IGBP1: variants seen among roughly 807,000 people sequenced by gnomAD.
The protein encoded by IGBP1 is immunoglobulin binding protein 1.
A neutral mutation model predicts 25.9 loss-of-function variants in IGBP1; 2 were observed. That is an observed-to-expected ratio of 0.08 (90% CI 0.03 to 0.24). The LOEUF (loss-of-function observed/expected upper bound fraction) is 0.24. IGBP1 is among the 10% of genes least tolerant of loss of function. The pLI, the probability that IGBP1 is intolerant of heterozygous loss-of-function variation, is 1.00. For missense variants in IGBP1, 187 were observed against 260.4 expected (o/e 0.72, Z 1.94); for synonymous variants, 96 against 93.4 (o/e 1.03, Z -0.16).
At chrX:70,153,883 A>C (rs2147583684) in intron 6 of IGBP1, among the ~76,000 whole-genome samples, 1 of 111,031 alleles carries the variant, frequency 9.0e-6, no homozygotes, top group South Asian at 3.9e-4. Flanking sequence ...GAGAATGACC[A>C]AAATCAAAAG....
chrX:70,164,620 A>G (rs746690291), intron 6 of IGBP1, among the ~76,000 whole-genome samples: 87 of 112,198 alleles, frequency 7.8e-4, no homozygotes, highest in Non-Finnish European at 1.4e-3. Flanking sequence ...AGCAGTATAG[A>G]GGTTACTTTT....
Position 70,150,299 on chromosome X carries a change from A to G in IGBP1, c.848A>G (p.Gln283Arg). The change falls in exon 6 of 7, where the codon CAG (glutamine) becomes CGG (arginine). Residue 283 changes from glutamine to arginine, a missense_variant. By Grantham distance (43) the Gln-to-Arg change is conservative. Transcript: ENST00000356413. The stretch of plus-strand genomic sequence containing the variant: ...CGGAAATATGGAGCATTACCGGATC[A>G]GGGAATAGCCAAGGCAGCACCAGGT... ...QHRKYGALPD[Q>R]GIAKAAPEEF... 1 of 1,187,131 alleles carries G rather than the reference A, an allele frequency of 8.4e-7. No homozygotes were observed.
At position 70,139,334 on chromosome X, in the gene IGBP1, GAAAAGAA is replaced by G. The variant is rs1243502510; in HGVS notation, c.482+4528_482+4534del. Among the ~76,000 whole-genome samples, 321 of 107,425 alleles carry G rather than the reference GAAAAGAA, an allele frequency of 3.0e-3. 1 individual carries two copies. The highest frequency in any genetic ancestry group is 0.01 in the African/African-American group (299 of 29,774). 93.3% of individuals were successfully genotyped at this position (107,425 alleles called of 115,157 possible). On this transcript the variant is annotated intron_variant, in intron 3 of 6. Transcript: ENST00000356413. The stretch of plus-strand genomic sequence containing the variant: ...CTCAAAAAAAAAAAAAAAAAGAAAA[GAAAAGAA>G]AAAAGAAAATCCAATTGGGCAAACA...
At chrX:70,146,875 C>T in intron 4 of IGBP1, 47 bp downstream of exon 4, 1 of 928,599 alleles carries the variant, frequency 1.1e-6, no homozygotes, top group Non-Finnish European at 1.6e-6. Context: ...GAGTATTCTA[C>T]AGGAGATCAA....
intron 1 of IGBP1, 49 bp from the exon 2 acceptor site, chrX:70,133,674 C>T (rs1476585682): frequency 7.0e-6 from 3 of 426,133 alleles, no homozygotes; most frequent in Non-Finnish European, 1.2e-5. Context: ...ACGAGGAGCT[C>T]ATGGTAAAAC....
chrX:70,159,734 C>T (rs898781599), intron 6 of IGBP1, among the ~76,000 whole-genome samples: 2 of 111,093 alleles, frequency 1.8e-5, no homozygotes, highest in African/African-American at 6.6e-5. Context: ...GTGTTCCAGA[C>T]GCTCAGACCC....
chrX:70,165,609 T>C (rs1487331976), intron 6 of IGBP1, among the ~76,000 whole-genome samples: 1 of 110,570 alleles, frequency 9.0e-6, no homozygotes, highest in Non-Finnish European at 1.9e-5. Context: ...ATTTTTGCCT[T>C]CTTGTGGAAA....
At chrX:70,138,687 T>C (rs2085112192) in intron 3 of IGBP1, among the ~76,000 whole-genome samples, 1 of 111,224 alleles carries the variant, frequency 9.0e-6, no homozygotes, top group African/African-American at 3.3e-5. Context: ...TAACTATAGC[T>C]TTTTATCCTG....
intron 2 of IGBP1, 78 bp from the exon 3 acceptor site, chrX:70,134,445 C>T: frequency 9.6e-7 from 1 of 1,037,587 alleles, no homozygotes; most frequent in Non-Finnish European, 1.3e-6. Context: ...GCCCAGCCTC[C>T]CACTCCGTCC....
At chrX:70,146,320 C>T (rs2085166290) in intron 3 of IGBP1, among the ~76,000 whole-genome samples, 2 of 110,418 alleles carry the variant, frequency 1.8e-5, no homozygotes, top group African/African-American at 6.6e-5. Context: ...TACTAAGCAC[C>T]CACCCTAGTA....
intron 4 of IGBP1, among the ~76,000 whole-genome samples, chrX:70,147,264 T>C (rs1001561289): frequency 4.5e-5 from 5 of 110,829 alleles, no homozygotes; most frequent in Non-Finnish European, 9.4e-5. Context: ...CGAAACCCCC[T>C]CTACTAAAAA....
intron 2 of IGBP1, 128 bp downstream of exon 2, chrX:70,134,263 TCTTGTGTA>T: frequency 1.6e-6 from 1 of 624,924 alleles, no homozygotes; most frequent in Non-Finnish European, 2.6e-6. Context: ...ACCACTGCGA[TCTTGTGTA>T]CATTGTTTAC....
intron 6 of IGBP1, among the ~76,000 whole-genome samples, chrX:70,152,686 A>T (rs2085210705): frequency 8.9e-6 from 1 of 112,448 alleles, no homozygotes; most frequent in African/African-American, 3.2e-5. Flanking sequence ...AAATTCTGGA[A>T]TGGAAAAATA....
chrX:70,134,262 A>G, intron 2 of IGBP1, 127 bp downstream of exon 2: 1 of 629,176 alleles, frequency 1.6e-6, no homozygotes, highest in Admixed American at 2.7e-5. Flanking sequence ...TACCACTGCG[A>G]TCTTGTGTAC....
At chrX:70,148,160 G>A (rs1280128086) in intron 4 of IGBP1, among the ~76,000 whole-genome samples, 1 of 111,800 alleles carries the variant, frequency 8.9e-6, no homozygotes, top group South Asian at 3.7e-4. Flanking sequence ...GAAAGTGATC[G>A]AGCTAGAACT....
intron 4 of IGBP1, among the ~76,000 whole-genome samples, chrX:70,147,716 A>T (rs1173259765): frequency 8.9e-6 from 1 of 112,068 alleles, no homozygotes; most frequent in Non-Finnish European, 1.9e-5. Flanking sequence ...TTTGAACATC[A>T]TAACCCTGTT....
chrX:70,150,355 A>C, intron 6 of IGBP1, 33 bp downstream of exon 6: 1 of 906,976 alleles, frequency 1.1e-6, no homozygotes, highest in Non-Finnish European at 1.6e-6. Flanking sequence ...TAGTTGTACC[A>C]CTGGTCTTTT....
chrX:70,142,406 A>C (rs916236453), intron 3 of IGBP1, among the ~76,000 whole-genome samples: 13 of 111,436 alleles, frequency 1.2e-4, no homozygotes, highest in Admixed American at 5.7e-4. Flanking sequence ...AGACAGGGGA[A>C]AGGCACCAGT....
chrX:70,139,311 C>CAAAAA (rs775830617), intron 3 of IGBP1, among the ~76,000 whole-genome samples: 4 of 39,079 alleles, frequency 1.0e-4, no homozygotes, highest in African/African-American at 2.1e-4. Context: ...GACTCCGTCT[C>CAAAAA]AAAAAAAAAA....
Sources: allele counts gnomAD v4.1 joint callset (sites outside exome capture counted in the v4.1 genomes callset), GRCh38; gene constraint gnomAD v4.1.1; transcripts MANE v1.5; gene names NCBI Gene and HGNC (gene_info 2026-07-23, HGNC 2026-07-21).